Variants in ASXL3 observed in about 807,000 individuals in gnomAD.
The protein encoded by ASXL3 is putative Polycomb group protein ASXL3.
In ASXL3, 34 loss-of-function variants were observed where a neutral mutation model predicts 170.6. The observed-to-expected ratio is 0.20, with a 90% CI of 0.15 to 0.27. The LOEUF (loss-of-function observed/expected upper bound fraction) is 0.27, where lower values mean the gene tolerates loss of function less well. Among genes scored for constraint, ASXL3 ranks in the 10% least tolerant of loss-of-function variants. The pLI is 1.00. For synonymous variants in ASXL3, 1,002 were observed against 989.1 expected (o/e 1.01, Z -0.24); for missense variants, 2,592 against 2,695.3 (o/e 0.96, Z 0.85).
chr18:33,712,941 G>T (rs925907155), intron 8 of ASXL3, among the ~76,000 whole-genome samples: 1 of 152,066 alleles, frequency 6.6e-6, no homozygotes, highest in African/African-American at 2.4e-5. Context: ...TGTCCCATCT[G>T]CTGCCAGGCT....
At chr18:33,619,534 C>A (rs1162835792) in intron 2 of ASXL3, among the ~76,000 whole-genome samples, 2 of 151,600 alleles carry the variant, frequency 1.3e-5, no homozygotes, top group East Asian at 3.9e-4. Flanking sequence ...ATGAGGATGA[C>A]CATTTTGGGT....
intron 2 of ASXL3, among the ~76,000 whole-genome samples, chr18:33,627,331 T>G (rs2065617713): frequency 6.6e-6 from 1 of 152,188 alleles, no homozygotes; most frequent in South Asian, 2.1e-4. Flanking sequence ...GTGTGAATTG[T>G]TGGAAAGTGA....
At position 33,744,129 on chromosome 18, in the gene ASXL3, T is replaced by C; in HGVS notation, c.4281T>C (p.Asp1427=). 6.2e-7 allele frequency: 1 copy of C among 1,614,044 alleles called. No individual in the cohort carries two copies. Among genetic ancestry groups the C allele is most frequent in the Non-Finnish European group, 8.5e-7 (1 of 1,179,896 alleles). The part of the protein sequence containing the change: ...TGNMLTINSY[D]SPPKLSAESL... ...ACATGCTGACAATAAACTCTTATGA[T>C]AGTCCTCCCAAGTTAAGTGCTGAAA... Residue 1427 remains aspartate, a synonymous_variant, in exon 12 of 12, where the codon GAT becomes GAC. Transcript: ENST00000269197.
intron 7 of ASXL3, among the ~76,000 whole-genome samples, chr18:33,676,773 C>T (rs1031268414): frequency 6.6e-6 from 1 of 152,120 alleles, no homozygotes; most frequent in Non-Finnish European, 1.5e-5. Flanking sequence ...TTTAATAATA[C>T]CCTCTCTCCT....
At chr18:33,647,471 ATTG>A (rs1568302836) in intron 4 of ASXL3, among the ~76,000 whole-genome samples, 1 of 152,062 alleles carries the variant, frequency 6.6e-6, no homozygotes, top group East Asian at 1.9e-4. Context: ...TATCCCCCCA[ATTG>A]TTGTGGTAAT....
intron 1 of ASXL3, among the ~76,000 whole-genome samples, chr18:33,598,428 A>G (rs1455533594): frequency 6.6e-6 from 1 of 152,130 alleles, no homozygotes; most frequent in Non-Finnish European, 1.5e-5. Flanking sequence ...GCCTCTGTAT[A>G]AAAATGTCTA....
chr18:33,617,064 G>A (rs1306770027), intron 2 of ASXL3, among the ~76,000 whole-genome samples: 2 of 152,084 alleles, frequency 1.3e-5, no homozygotes, highest in African/African-American at 2.4e-5. Context: ...GAAATTTTTT[G>A]TATCTGATTC....
In ASXL3 at chr18:33,634,024, C is replaced by T. The variant is rs187183746; in HGVS notation, c.138-10870C>T. 1.6e-3 allele frequency among the ~76,000 whole-genome samples: 245 copies of T among 151,928 alleles called. 1 individual carries two copies. Among genetic ancestry groups the T allele is most frequent in the Non-Finnish European group, 2.8e-3 (192 of 67,960 alleles). ...TATATGAATGTAAATACAAAAAGAT[C>T]GGGAAGAAATCATGGTTGACATTTA... On this transcript the variant is annotated intron_variant, in intron 2 of 11. Coordinates refer to ENST00000269197, the MANE Select transcript of ASXL3 (RefSeq NM_030632.3).
chr18:33,660,876 G>A (rs541915643), intron 4 of ASXL3, among the ~76,000 whole-genome samples: 6 of 152,246 alleles, frequency 3.9e-5, no homozygotes, highest in African/African-American at 1.4e-4. Flanking sequence ...GTTTCAGAGA[G>A]CAGACACTGC....
intron 8 of ASXL3, among the ~76,000 whole-genome samples, chr18:33,726,206 T>G (rs570033392): frequency 6.6e-6 from 1 of 152,306 alleles, no homozygotes; most frequent in African/African-American, 2.4e-5. Context: ...TTGCCTGCCC[T>G]CTTTCATACC....
At chr18:33,693,577 A>G (rs1298815342) in intron 8 of ASXL3, among the ~76,000 whole-genome samples, 5 of 152,122 alleles carry the variant, frequency 3.3e-5, no homozygotes, top group African/African-American at 1.2e-4. Flanking sequence ...ATTTCAGGAG[A>G]GTAAAAAGGC....
intron 1 of ASXL3, among the ~76,000 whole-genome samples, chr18:33,579,274 A>C (rs1405960817): frequency 6.6e-6 from 1 of 152,058 alleles, no homozygotes; most frequent in African/African-American, 2.4e-5. Context: ...GTGTGGCTCC[A>C]GTTCGTTTGT....
At position 33,661,241 on chromosome 18, in the gene ASXL3, T is replaced by G. The variant is rs142074769; in HGVS notation, c.356-375T>G. Among the ~76,000 whole-genome samples, 1,465 of 150,806 alleles carry G rather than the reference T, an allele frequency of 9.7e-3. 21 individuals are homozygous for G. The highest frequency in any genetic ancestry group is 0.034 in the African/African-American group (1,379 of 41,064). On this transcript the variant is annotated intron_variant, in intron 4 of 11. Coordinates refer to ENST00000269197, the MANE Select transcript of ASXL3 (RefSeq NM_030632.3). ...AAAACAATTGCATTAATTTATATTG[T>G]TTTTTTTTGTTTGTTTTTAGAATAC...
intron 2 of ASXL3, among the ~76,000 whole-genome samples, chr18:33,628,482 A>T (rs1399577314): frequency 6.6e-6 from 1 of 152,166 alleles, no homozygotes; most frequent in Non-Finnish European, 1.5e-5. Flanking sequence ...AAGCCAAGTG[A>T]TAAAAGGAAC....
chr18:33,641,556 T>C (rs1207736214), intron 2 of ASXL3, among the ~76,000 whole-genome samples: 1 of 152,098 alleles, frequency 6.6e-6, no homozygotes, highest in East Asian at 1.9e-4. Flanking sequence ...ACATGGGCTT[T>C]CTGAACAAAA....
intron 8 of ASXL3, among the ~76,000 whole-genome samples, chr18:33,706,733 T>A (rs1031418830): frequency 2.0e-5 from 3 of 151,808 alleles, no homozygotes; most frequent in Non-Finnish European, 4.4e-5. Flanking sequence ...GTATAAGTCC[T>A]TTGTCAAATA....
At chr18:33,635,438 C>T (rs543821964) in intron 2 of ASXL3, among the ~76,000 whole-genome samples, 1 of 152,200 alleles carries the variant, frequency 6.6e-6, no homozygotes, top group African/African-American at 2.4e-5. Flanking sequence ...TTAGCTTTAT[C>T]CCCTGCAGGC....
At chr18:33,733,521 T>A (rs542778500) in intron 9 of ASXL3, among the ~76,000 whole-genome samples, 2 of 152,322 alleles carry the variant, frequency 1.3e-5, no homozygotes, top group South Asian at 4.1e-4. Flanking sequence ...CTGTGTGGTA[T>A]TCAGCAGTCC....
intron 4 of ASXL3, among the ~76,000 whole-genome samples, chr18:33,646,882 G>GC (rs1410985423): frequency 1.0e-5 from 1 of 100,466 alleles, no homozygotes; most frequent in Non-Finnish European, 2.4e-5. Context: ...AGGGGGAGCG[G>GC]GGGGGGGGGG....
Sources: gnomAD v4.1 joint callset for allele counts (sites outside exome capture counted in the v4.1 genomes callset) on GRCh38, gnomAD v4.1.1 for gene constraint, MANE v1.5 for transcripts, NCBI Gene and HGNC (gene_info 2026-07-23, HGNC 2026-07-21) for gene names.